The following ELF1 variants were observed in gnomAD, a reference collection of about 807,000 sequenced individuals.
ELF1 encodes the protein E74 like ETS transcription factor 1, also known as ETS-related transcription factor Elf-1.
ELF1 carries 24 observed loss-of-function variants against 59.9 expected under a neutral mutation model. The ratio of observed to expected loss-of-function variants is 0.40; its 90% confidence interval spans 0.29 to 0.56. The LOEUF (loss-of-function observed/expected upper bound fraction) is 0.56, where lower values mean the gene tolerates loss of function less well. Ranked by LOEUF, ELF1 falls within the 20% of genes least tolerant of loss-of-function variation. The pLI is 0.44. For synonymous variants in ELF1, 248 were observed against 266.2 expected, an observed-to-expected ratio of 0.93 and a Z score of 0.67; for missense variants, 627 against 742.2, an observed-to-expected ratio of 0.84 and a Z score of 1.80.
chr13:40,940,466 T>C (rs1870083400), intron 8 of ELF1, among the ~76,000 whole-genome samples: 1 of 151,222 alleles, frequency 6.6e-6, no homozygotes, highest in Non-Finnish European at 1.5e-5. Flanking sequence ...GACCTTAGAT[T>C]CTTGGCCTCC....
intron 2 of ELF1, among the ~76,000 whole-genome samples, chr13:40,977,377 C>T (rs1404247152): frequency 2.6e-5 from 4 of 152,036 alleles, no homozygotes; most frequent in Non-Finnish European, 5.9e-5. Flanking sequence ...GAACAGACAG[C>T]AACAACAGAG....
chr13:40,939,435 G>C lies in ELF1; in HGVS notation c.1256+1486C>G, dbSNP rs1246026379. Among the ~76,000 whole-genome samples, 3 of 152,036 alleles carry C rather than the reference G, an allele frequency of 2.0e-5. 1 individual carries two copies. The highest frequency in any genetic ancestry group is 4.4e-5 in the Non-Finnish European group (3 of 68,018). On this transcript the variant is annotated intron_variant, in intron 8 of 8. Transcript: ENST00000239882. ...GTCTAAAAAGAATATTTTGAATACA[G>C]ATGCTAAAAAAATTCCATGGAATCA...
At chr13:40,993,873 T>C (rs1321800764) in intron 1 of ELF1, among the ~76,000 whole-genome samples, 1 of 151,536 alleles carries the variant, frequency 6.6e-6, no homozygotes, top group Non-Finnish European at 1.5e-5. Flanking sequence ...TATAGTTTTA[T>C]TTTTATGTAA....
intron 1 of ELF1, among the ~76,000 whole-genome samples, chr13:41,000,463 C>T (rs1874369737): frequency 2.8e-4 from 1 of 3,558 alleles, no homozygotes; most frequent in Admixed American, 5.6e-3. Context: ...CTTAATTGAT[C>T]CGCTTGCTCG....
At chr13:40,989,995 C>G (rs1358292213) in intron 1 of ELF1, among the ~76,000 whole-genome samples, 1 of 150,734 alleles carries the variant, frequency 6.6e-6, no homozygotes, top group Non-Finnish European at 1.5e-5. Context: ...TTATTGTCCA[C>G]TAATAAACAT....
intron 2 of ELF1, among the ~76,000 whole-genome samples, chr13:40,968,802 C>T (rs1300415848): frequency 6.6e-6 from 1 of 151,794 alleles, no homozygotes; most frequent in Non-Finnish European, 1.5e-5. Flanking sequence ...TCATTGCAGC[C>T]TTGACCTCTG....
chr13:40,945,482 G>C (rs1489119563), intron 5 of ELF1, among the ~76,000 whole-genome samples: 1 of 151,994 alleles, frequency 6.6e-6, no homozygotes, highest in Non-Finnish European at 1.5e-5. Context: ...GTTTCTCCCC[G>C]GTCGGCTTCT....
chr13:40,958,244 GAA>G (rs900214367), intron 3 of ELF1, among the ~76,000 whole-genome samples: 1 of 152,174 alleles, frequency 6.6e-6, no homozygotes, highest in African/African-American at 2.4e-5. Flanking sequence ...GACTGAACCA[GAA>G]AAGAAATCTA....
intron 1 of ELF1, among the ~76,000 whole-genome samples, chr13:41,054,416 AGT>A (rs1386418034): frequency 6.6e-6 from 1 of 152,212 alleles, no homozygotes; most frequent in African/African-American, 2.4e-5. Context: ...ACAGGGTGGC[AGT>A]CTCACAGTAT....
chr13:40,984,814 A>G (rs1157897758), intron 1 of ELF1, among the ~76,000 whole-genome samples: 1 of 152,228 alleles, frequency 6.6e-6, no homozygotes, highest in Non-Finnish European at 1.5e-5. Context: ...GCCAATGGCC[A>G]GTGTGAATAC....
chr13:41,001,799 G>A (rs1472383631), intron 1 of ELF1, among the ~76,000 whole-genome samples: 1 of 152,096 alleles, frequency 6.6e-6, no homozygotes, highest in East Asian at 1.9e-4. Context: ...GTTCAAGGTT[G>A]CCGTGCACTG....
chr13:40,943,390 T>C (rs1870307424), intron 6 of ELF1, among the ~76,000 whole-genome samples: 1 of 152,168 alleles, frequency 6.6e-6, no homozygotes. Flanking sequence ...TCATAAGATT[T>C]GTGATGATTT....
At chr13:41,007,839 C>A (rs1209985872) in intron 1 of ELF1, among the ~76,000 whole-genome samples, 1 of 152,128 alleles carries the variant, frequency 6.6e-6, no homozygotes, top group East Asian at 1.9e-4. Context: ...ATCCAGAGAC[C>A]CTTTCAGGGG....
chr13:41,017,445 A>G (rs982391309), intron 1 of ELF1, among the ~76,000 whole-genome samples: 16 of 152,280 alleles, frequency 1.1e-4, no homozygotes, highest in Admixed American at 6.5e-5. Flanking sequence ...TTTCAGCACT[A>G]AAGTTCTATA....
intron 8 of ELF1, among the ~76,000 whole-genome samples, chr13:40,940,495 G>C (rs35702861): frequency 3.3e-4 from 48 of 146,344 alleles, no homozygotes; most frequent in Non-Finnish European, 2.2e-4. Flanking sequence ...TTGAACTTTA[G>C]AATTGTTCGA....
rs1193651831 is a variant in ELF1 at position 40,933,471 on chromosome 13, T to C, written c.1814A>G (p.Gln605Arg). Residue 605 changes from glutamine to arginine, a missense_variant, in exon 9 of 9, where the codon CAG (glutamine) becomes CGG (arginine). This residue lies in a region of ELF1 where 361 missense variants were observed against 396.1 expected (regional missense o/e 0.91). Transcript: ENST00000239882. ...VVSSSNGFTS[Q>R]VAMKQNELLE... Reference sequence around the variant, plus strand: ...CAGTTCGTTTTGTTTCATAGCTACCTGAGAAGTAAATCCATTGGAACTGGA... The same window carrying C: ...CAGTTCGTTTTGTTTCATAGCTACCCGAGAAGTAAATCCATTGGAACTGGA... 2 of 1,614,008 alleles carry C rather than the reference T, an allele frequency of 1.2e-6. No individual in the cohort carries two copies. The highest frequency in any genetic ancestry group is 1.3e-5 in the African/African-American group (1 of 74,924).
rs527484180 is a variant in ELF1 at position 41,035,017 on chromosome 13, T to C, written c.-229+25821A>G. ...CCACCTACTGAATCTCCCAAGAGCC[T>C]TTCTCTCCTCACTGTGTCATTAAAA... is the stretch of plus-strand genomic sequence containing the variant. On this transcript the variant is annotated intron_variant, in intron 1 of 1. Transcript: ENST00000405737. 3.0e-4 allele frequency among the ~76,000 whole-genome samples: 46 copies of C among 152,338 alleles called. 1 individual carries two copies. Among genetic ancestry groups the C allele is most frequent in the African/African-American group, 1.1e-3 (45 of 41,580 alleles).
At chr13:41,023,075 G>C (rs186496826), upstream of ELF1, among the ~76,000 whole-genome samples, 386 of 152,236 alleles carry the variant, frequency 2.5e-3, no homozygotes, top group Middle Eastern at 0.01. Flanking sequence ...AGCTTTCATG[G>C]CTGCTCATGG....
At chr13:41,019,629 C>T (rs1875609380), upstream of ELF1, among the ~76,000 whole-genome samples, 1 of 151,358 alleles carries the variant, frequency 6.6e-6, no homozygotes, top group South Asian at 2.1e-4. Flanking sequence ...TTAAAAGTTG[C>T]TTTACTATAT....
Sources: allele counts gnomAD v4.1 joint callset (sites outside exome capture counted in the v4.1 genomes callset), GRCh38; gene constraint gnomAD v4.1.1; regional missense constraint gnomAD v4.1.1; transcripts MANE v1.5; gene names NCBI Gene and HGNC (gene_info 2026-07-23, HGNC 2026-07-21).